The following KDM1B variants were observed in gnomAD, a reference collection of about 807,000 sequenced individuals.
KDM1B encodes the protein lysine-specific histone demethylase 2.
In KDM1B, 63 loss-of-function variants were observed where a neutral mutation model predicts 107.4. The observed-to-expected ratio is 0.59, with a 90% CI of 0.48 to 0.72. KDM1B has a LOEUF of 0.72. KDM1B is among the 30% of genes least tolerant of loss of function. KDM1B has a pLI of 0.00. For synonymous variants in KDM1B, 363 were observed against 363.9 expected, an observed-to-expected ratio of 1.00 and a Z score of 0.03; for missense variants, 749 against 1,020.8, an observed-to-expected ratio of 0.73 and a Z score of 3.63.
rs1788302680 is a variant in KDM1B at position 18,205,403 on chromosome 6, CCT to C, written c.1532-131_1532-130del. 1.5e-6 allele frequency: 1 copy of C among 678,190 alleles called. No homozygotes were observed. The highest frequency in any genetic ancestry group is 2.3e-6 in the Non-Finnish European group (1 of 429,656). 42.0% of individuals were successfully genotyped at this position (678,190 alleles called of 1,614,324 possible). ...TGGACCTTATCAAGAGATCTTTTCC[CCT>C]CTGACTTTACTTGGGAAAAGACTTT... On this transcript the variant is annotated intron_variant, in intron 14 of 21. Coordinates refer to ENST00000650836, the MANE Select transcript of KDM1B (RefSeq NM_001364614.2). The surrounding 1 kb of genome is among the most constrained non-coding windows in gnomAD (Gnocchi z 5.7).
At position 18,164,162 on chromosome 6, in the gene KDM1B, C is replaced by G. The variant is rs534620780; in HGVS notation, c.305+1238C>G. ...TTTTTTCTTGAGATGGAGTCTCGCT[C>G]TGTTGCCCAGGCTGGAGTGCAGTGG... is the stretch of plus-strand genomic sequence containing the variant. On this transcript the variant is annotated intron_variant, in intron 5 of 21. Coordinates refer to ENST00000650836, the MANE Select transcript of KDM1B (RefSeq NM_001364614.2). Among the ~76,000 whole-genome samples the G allele has an allele frequency of 1.3e-4, 20 of 152,084 alleles. No individual in the cohort carries two copies. The South Asian group carries it at 4.2e-3, about 32-fold the overall frequency.
At chr6:18,165,848 A>T (rs947206237) in intron 5 of KDM1B, among the ~76,000 whole-genome samples, 2 of 152,098 alleles carry the variant, frequency 1.3e-5, no homozygotes, top group African/African-American at 4.8e-5. Context: ...AATAATAAAA[A>T]AATAAAAATA....
In KDM1B at chr6:18,203,387, T is replaced by C. The variant is rs559211082; in HGVS notation, c.1531+1730T>C. On this transcript the variant is annotated intron_variant, in intron 14 of 21. Coordinates refer to ENST00000650836, the MANE Select transcript of KDM1B (RefSeq NM_001364614.2). This position sits in a 1 kb window ranked among gnomAD's most constrained non-coding sequence, Gnocchi z 5.5. ...GCTTGTTTAAAAGCTTTGATAGTAG[T>C]GCACACATCTCTGTGTAAGGCTATA... Among the ~76,000 whole-genome samples the C allele has an allele frequency of 7.8e-4, 119 of 152,314 alleles. No homozygotes were observed. Among genetic ancestry groups the C allele is most frequent in the African/African-American group, 2.7e-3 (111 of 41,580 alleles).
chr6:18,190,855 G>A (rs1561931901), intron 9 of KDM1B, among the ~76,000 whole-genome samples: 1 of 151,460 alleles, frequency 6.6e-6, no homozygotes. Flanking sequence ...AGCCGAGATT[G>A]GACCACTGCA....
intron 21 of KDM1B, among the ~76,000 whole-genome samples, chr6:18,218,346 C>T (rs562418053): frequency 3.4e-4 from 51 of 152,140 alleles, no homozygotes; most frequent in Middle Eastern, 3.4e-3. Context: ...TGGCCTCAAA[C>T]CCGTGGCCTT....
At chr6:18,192,078 A>G (rs536518201) in intron 10 of KDM1B, among the ~76,000 whole-genome samples, 2 of 151,300 alleles carry the variant, frequency 1.3e-5, no homozygotes, top group Admixed American at 1.3e-4. Flanking sequence ...GGGCAACATA[A>G]TGAGACCCCC....
At chr6:18,193,236 A>G (rs892347130) in intron 10 of KDM1B, among the ~76,000 whole-genome samples, 4 of 149,352 alleles carry the variant, frequency 2.7e-5, no homozygotes, top group South Asian at 2.1e-4. Flanking sequence ...ACTTAATACT[A>G]TAGTGGGAAA....
intron 7 of KDM1B, among the ~76,000 whole-genome samples, chr6:18,184,580 T>A (rs1361121609): frequency 6.6e-6 from 1 of 152,008 alleles, no homozygotes; most frequent in South Asian, 2.1e-4. Flanking sequence ...GGGCCTGTTC[T>A]AACTTCTTTT....
intron 5 of KDM1B, among the ~76,000 whole-genome samples, chr6:18,163,486 T>C (rs1405329801): frequency 6.6e-6 from 1 of 152,204 alleles, no homozygotes; most frequent in African/African-American, 2.4e-5. Flanking sequence ...TTTAATTTTT[T>C]ATTTCTCTAG....
At chr6:18,161,257 T>C in intron 3 of KDM1B, 70 bp from the exon 4 acceptor site, 1 of 1,431,386 alleles carries the variant, frequency 7.0e-7, no homozygotes, top group Non-Finnish European at 9.8e-7. Flanking sequence ...GTGATTTCAG[T>C]AGTGAACCTT....
At chr6:18,176,135 G>C (rs1164618314) in intron 7 of KDM1B, among the ~76,000 whole-genome samples, 1 of 152,142 alleles carries the variant, frequency 6.6e-6, no homozygotes, top group Non-Finnish European at 1.5e-5. Flanking sequence ...TCTTCCAGCA[G>C]TGTTTTGTAG....
In KDM1B at chr6:18,186,597, C is replaced by CA. The variant is rs1157293018; in HGVS notation, c.573+788dup. On this transcript the variant is annotated intron_variant, in intron 8 of 21. Transcript: ENST00000650836. The surrounding 1 kb of genome is among the most constrained non-coding windows in gnomAD (Gnocchi z 5.6). ...GTTTGCATGTGTATTAGTCCGTTCT[C>CA]ACGCTGCTTGCTATAAAGAACTGCC... Among the ~76,000 whole-genome samples, 2 of 152,168 alleles carry CA rather than the reference C, an allele frequency of 1.3e-5. No homozygotes were observed. The highest frequency in any genetic ancestry group is 2.9e-5 in the Non-Finnish European group (2 of 68,038).
At chr6:18,202,405 A>T (rs552834308) in intron 14 of KDM1B, among the ~76,000 whole-genome samples, 1 of 152,250 alleles carries the variant, frequency 6.6e-6, no homozygotes, top group Admixed American at 6.5e-5. Flanking sequence ...ATTTCAAAAA[A>T]AAAAGGAATT....
chr6:18,191,105 TA>T lies in KDM1B; in HGVS notation c.785-91del, dbSNP rs557756236. The T allele has an allele frequency of 5.3e-4, 582 of 1,106,020 alleles. 8 individuals are homozygous for T. In the East Asian group the frequency reaches 0.014, roughly 27 times the overall value. The allele number at this position is 1,106,020 out of a possible 1,614,324, so 68.5% of individuals were successfully genotyped here. On this transcript the variant is annotated intron_variant, in intron 9 of 21. Coordinates refer to ENST00000650836, the MANE Select transcript of KDM1B (RefSeq NM_001364614.2). This position sits in a 1 kb window ranked among gnomAD's most constrained non-coding sequence, Gnocchi z 5.1. ...TGTAGGGTAGAGAGTGGAGCTTGTC[TA>T]GGCTTACTTTTTGGTTTGCTTTTGC...
rs529072365 is a variant in KDM1B, at chr6:18,187,712, A to G, written c.574-80A>G. On this transcript the variant is annotated intron_variant, in intron 8 of 21. Transcript: ENST00000650836. ...GGTTAAGGACAAGTGAAACGAAGAGAACCCTCTGTCCCTGGCAGAATCTGC... is the reference window on the plus strand; with the variant it reads ...GGTTAAGGACAAGTGAAACGAAGAGGACCCTCTGTCCCTGGCAGAATCTGC... 1,671 of 928,442 alleles carry G rather than the reference A, an allele frequency of 1.8e-3. 5 individuals carry two copies. Among genetic ancestry groups the G allele is most frequent in the Non-Finnish European group, 2.4e-3 (1,424 of 589,960 alleles). 57.5% of individuals were successfully genotyped at this position (928,442 alleles called of 1,614,324 possible).
rs796173315 is a variant in KDM1B at position 18,205,504 on chromosome 6, A to G, written c.1532-33A>G. ...AGAATTGGAGAATCTTGTTAAAGCT[A>G]TTTTTTTCTGCTTTGATCCATTCCC... On this transcript the variant is annotated intron_variant, in intron 14 of 21. Coordinates refer to ENST00000650836, the MANE Select transcript of KDM1B (RefSeq NM_001364614.2). The surrounding 1 kb of genome is among the most constrained non-coding windows in gnomAD (Gnocchi z 5.7). The G allele has an allele frequency of 5.2e-6, 8 of 1,538,266 alleles. No individual in the cohort carries two copies. The highest frequency in any genetic ancestry group is 2.5e-5 in the East Asian group (1 of 39,934).
chr6:18,193,182 C>T (rs1185538601), intron 10 of KDM1B, among the ~76,000 whole-genome samples: 1 of 76,302 alleles, frequency 1.3e-5, no homozygotes, highest in Admixed American at 1.8e-4. Flanking sequence ...GCAACAAGAA[C>T]GAAACTCTGT....
At chr6:18,207,308 G>T in intron 15 of KDM1B, 90 bp from the exon 16 acceptor site, 2 of 1,462,084 alleles carry the variant, frequency 1.4e-6, no homozygotes, top group Non-Finnish European at 9.5e-7. Flanking sequence ...TGCCTTGGTG[G>T]CTGTTCCCAC....
rs1788831031 is a variant in KDM1B, at chr6:18,211,262, T to G, written c.1867-1226T>G. 6.6e-6 allele frequency among the ~76,000 whole-genome samples: 1 copy of G among 152,218 alleles called. No homozygotes were observed. The highest frequency in any genetic ancestry group is 1.5e-5 in the Non-Finnish European group (1 of 68,046). ...AGTTAAGCCAAATATACAAAATCTT[T>G]GAAGCCTCAGGTAGATTGGGTGCTT... is the stretch of plus-strand genomic sequence containing the variant. On this transcript the variant is annotated intron_variant, in intron 17 of 21. Transcript: ENST00000650836. The surrounding 1 kb of genome is among the most constrained non-coding windows in gnomAD (Gnocchi z 5.2).
Sources: allele counts gnomAD v4.1 joint callset (sites outside exome capture counted in the v4.1 genomes callset), GRCh38; gene constraint gnomAD v4.1.1; non-coding constraint Gnocchi (gnomAD v3.1); transcripts MANE v1.5; gene names NCBI Gene and HGNC (gene_info 2026-07-23, HGNC 2026-07-21).